The following FOXP1 variants were observed in gnomAD, a reference collection of about 807,000 sequenced individuals.
FOXP1 encodes forkhead box protein P1.
Under a neutral mutation model 98.2 loss-of-function variants are expected in FOXP1, and 15 were observed. The observed-to-expected ratio is 0.15, with a 90% CI of 0.10 to 0.24. The LOEUF (loss-of-function observed/expected upper bound fraction) is 0.24. FOXP1 is among the 10% of genes least tolerant of loss of function. The pLI is 1.00. For synonymous variants in FOXP1, 371 were observed against 314.5 expected (o/e 1.18, Z -1.90); for missense variants, 633 against 848.5 (o/e 0.75, Z 3.15).
chr3:71,472,327 C>T (rs958274914), intron 3 of FOXP1, among the ~76,000 whole-genome samples: 2 of 152,044 alleles, frequency 1.3e-5, no homozygotes, highest in African/African-American at 4.8e-5. Context: ...ACTGTTCATA[C>T]CCAATAAACA....
chr3:71,133,838 T>C (rs973031562), intron 6 of FOXP1, among the ~76,000 whole-genome samples: 2 of 151,100 alleles, frequency 1.3e-5, no homozygotes, highest in African/African-American at 4.9e-5. Context: ...GTGTGTGATG[T>C]TTTTTTTTCA....
chr3:70,968,780 T>C (rs2035532535), intron 19 of FOXP1: 1 of 152,134 alleles, frequency 6.6e-6, no homozygotes, highest in South Asian at 2.1e-4. Context: ...TCTTGAAAAA[T>C]GGAAATAGGC....
intron 3 of FOXP1, among the ~76,000 whole-genome samples, chr3:71,458,197 T>G (rs1003178593): frequency 1.2e-4 from 19 of 152,176 alleles, no homozygotes; most frequent in Non-Finnish European, 1.9e-4. Context: ...ATCAAAAACA[T>G]TGCCCCTCAA....
chr3:70,955,832 G>GCGCACACA lies in FOXP1; in HGVS notation c.*3414_*3415insTGTGTGCG, dbSNP rs1553648184. Reference sequence around the variant, plus strand: ...AACAGATTAACACACACGCACGCGCGCACACACACACACACACACACACAA... The same window carrying GCGCACACA: ...AACAGATTAACACACACGCACGCGCGCGCACACACACACACACACACACACACACACAA... On this transcript the variant is annotated 3_prime_UTR_variant, in exon 21 of 21. Coordinates refer to ENST00000649528, the MANE Select transcript of FOXP1 (RefSeq NM_001349338.3). 2.3e-4 allele frequency: 52 copies of GCGCACACA among 221,632 alleles called. No homozygotes were observed. The highest frequency in any genetic ancestry group is 2.1e-3 in the East Asian group (33 of 16,064). The allele number at this position is 221,632 out of a possible 1,614,324, so 13.7% of individuals were successfully genotyped here.
chr3:71,275,307 C>G (rs912062581), intron 5 of FOXP1, among the ~76,000 whole-genome samples: 1 of 152,134 alleles, frequency 6.6e-6, no homozygotes, highest in African/African-American at 2.4e-5. Flanking sequence ...TCCCTCCTGA[C>G]AGACATTTAT....
In FOXP1 at chr3:71,205,654, C is replaced by CA. The variant is rs151256181; in HGVS notation, c.-11-7263dup. ...GTCGGGCCTCCCCAGGGAGGAGAAA[C>CA]AAACCAGCTGTAGGGGCACCCCTCC... is the stretch of plus-strand genomic sequence containing the variant. On this transcript the variant is annotated intron_variant, in intron 5 of 20. Transcript: ENST00000649528. Among the ~76,000 whole-genome samples, 1,276 of 152,252 alleles carry CA rather than the reference C, an allele frequency of 8.4e-3. 17 individuals carry two copies. Among genetic ancestry groups the CA allele is most frequent in the African/African-American group, 0.029 (1,217 of 41,532 alleles).
intron 5 of FOXP1, among the ~76,000 whole-genome samples, chr3:71,199,230 A>G (rs1412635034): frequency 6.6e-6 from 1 of 150,948 alleles, no homozygotes; most frequent in African/African-American, 2.4e-5. Flanking sequence ...TCAGACTCCC[A>G]AGTAGCTGGG....
intron 7 of FOXP1, among the ~76,000 whole-genome samples, chr3:71,081,972 T>A (rs964183260): frequency 6.6e-6 from 1 of 152,244 alleles, no homozygotes; most frequent in Non-Finnish European, 1.5e-5. Context: ...TGCTGCAAAG[T>A]GCAGACATAG....
intron 4 of FOXP1, among the ~76,000 whole-genome samples, chr3:71,343,554 A>ATTT (rs10658352): frequency 0.12 from 13,789 of 116,348 alleles, 1,650 homozygotes; most frequent in African/African-American, 0.19. Context: ...TCTCAATTAG[A>ATTT]TTTTTTTTTT....
At chr3:71,074,163 G>A (rs191377752) in intron 7 of FOXP1, among the ~76,000 whole-genome samples, 149 of 152,262 alleles carry the variant, frequency 9.8e-4, no homozygotes, top group African/African-American at 3.4e-3. Flanking sequence ...CCAAACAACC[G>A]GATGAAGTAG....
chr3:71,228,760 G>A (rs1024298819), intron 5 of FOXP1, among the ~76,000 whole-genome samples: 3 of 152,230 alleles, frequency 2.0e-5, no homozygotes, highest in Middle Eastern at 6.8e-3. Context: ...CTCAACACCC[G>A]AGATTTATGT....
chr3:71,170,381 A>G (rs2061592482), intron 6 of FOXP1, among the ~76,000 whole-genome samples: 1 of 152,174 alleles, frequency 6.6e-6, no homozygotes, highest in Non-Finnish European at 1.5e-5. Context: ...AGTTAATGAG[A>G]TATGGTCATG....
intron 5 of FOXP1, chr3:71,296,541 C>T (rs1560262301): frequency 2.0e-5 from 3 of 151,988 alleles, no homozygotes; most frequent in Admixed American, 6.6e-5. Context: ...AGTCTATATA[C>T]CCTAACTTAT....
chr3:71,362,630 TG>T (rs2078650897), intron 3 of FOXP1, among the ~76,000 whole-genome samples: 1 of 152,164 alleles, frequency 6.6e-6, no homozygotes, highest in African/African-American at 2.4e-5. Flanking sequence ...TCACTATGTC[TG>T]GCTAATTTTT....
intron 3 of FOXP1, among the ~76,000 whole-genome samples, chr3:71,483,131 G>A (rs960089111): frequency 7.2e-5 from 11 of 151,984 alleles, no homozygotes; most frequent in African/African-American, 2.2e-4. Flanking sequence ...GAGCCACCAC[G>A]CCCAGCCTTA....
intron 2 of FOXP1, chr3:71,574,504 T>C (rs2047576876): frequency 6.6e-6 from 1 of 152,210 alleles, no homozygotes; most frequent in Non-Finnish European, 1.5e-5. Flanking sequence ...CTTCTTAGGA[T>C]TCTGGTTTCT....
At chr3:71,103,604 G>A (rs2057167099) in intron 7 of FOXP1, among the ~76,000 whole-genome samples, 1 of 152,116 alleles carries the variant, frequency 6.6e-6, no homozygotes, top group Non-Finnish European at 1.5e-5. Context: ...CTAACCACTG[G>A]ACAGGGTCCA....
intron 11 of FOXP1, among the ~76,000 whole-genome samples, chr3:71,039,998 G>C (rs1247425830): frequency 6.6e-6 from 1 of 151,900 alleles, no homozygotes; most frequent in East Asian, 1.9e-4. Flanking sequence ...AAATGACCTT[G>C]GAAGGATAGT....
intron 3 of FOXP1, among the ~76,000 whole-genome samples, chr3:71,471,832 T>G (rs749403279): frequency 2.0e-5 from 3 of 152,154 alleles, no homozygotes; most frequent in Non-Finnish European, 4.4e-5. Context: ...AATAAAATGA[T>G]AACTCCATGT....
Sources: allele counts gnomAD v4.1 joint callset (sites outside exome capture counted in the v4.1 genomes callset), GRCh38; gene constraint gnomAD v4.1.1; transcripts MANE v1.5; gene names NCBI Gene and HGNC (gene_info 2026-07-23, HGNC 2026-07-21).